The following UBE2F variants were observed in gnomAD, a reference collection of about 807,000 sequenced individuals.
UBE2F encodes the protein NEDD8-conjugating enzyme UBE2F.
A neutral mutation model predicts 29.6 loss-of-function variants in UBE2F; 5 were observed. The observed-to-expected ratio is 0.17, with a 90% CI of 0.09 to 0.36. UBE2F has a LOEUF of 0.36. Ranked by LOEUF, UBE2F falls within the 10% of genes least tolerant of loss-of-function variation. UBE2F has a pLI of 1.00. For missense variants in UBE2F, 141 were observed against 228.5 expected (o/e 0.62, Z 2.47); for synonymous variants, 66 against 81.8 (o/e 0.81, Z 1.04).
At chr2:237,972,249 G>A (rs1005714475) in intron 1 of UBE2F, among the ~76,000 whole-genome samples, 34 of 152,222 alleles carry the variant, frequency 2.2e-4, no homozygotes, top group African/African-American at 8.0e-4. Context: ...ATTAAAAGAG[G>A]AAGGAGAGCA....
chr2:237,985,814 T>C lies in UBE2F; in HGVS notation c.119-2149T>C, dbSNP rs553206734. 3.1e-3 allele frequency among the ~76,000 whole-genome samples: 477 copies of C among 152,342 alleles called. 2 individuals are homozygous for C. The highest frequency in any genetic ancestry group is 9.7e-3 in the Admixed American group (148 of 15,302). On this transcript the variant is annotated intron_variant, in intron 2 of 9. Transcript: ENST00000272930. ...GGCTATACCAAGTTTACAGCCCTGC[T>C]ATCAGTATACAAGGGTTCTCTTTTT... is the stretch of plus-strand genomic sequence containing the variant.
chr2:238,005,521 A>G (rs541861176), intron 4 of UBE2F, among the ~76,000 whole-genome samples: 1 of 152,200 alleles, frequency 6.6e-6, no homozygotes, highest in African/African-American at 2.4e-5. Context: ...CAGAAGTTTT[A>G]TAGCTCTAGG....
Position 238,040,337 on chromosome 2 carries a change from C to T in UBE2F, c.508-951C>T, listed in dbSNP as rs184286565. ...TTATACCCTGCACATTGCCAGGTGTCGGGATTATGCAGTGGAATCAGCAAA... is the reference window on the plus strand; with the variant it reads ...TTATACCCTGCACATTGCCAGGTGTTGGGATTATGCAGTGGAATCAGCAAA... On this transcript the variant is annotated intron_variant, in intron 9 of 9. Coordinates refer to ENST00000272930, the MANE Select transcript of UBE2F (RefSeq NM_080678.3). This position sits in a 1 kb window ranked among gnomAD's most constrained non-coding sequence, Gnocchi z 4.4. Among the ~76,000 whole-genome samples, 5 of 152,266 alleles carry T rather than the reference C, an allele frequency of 3.3e-5. No individual in the cohort carries two copies. Among genetic ancestry groups the T allele is most frequent in the African/African-American group, 1.2e-4 (5 of 41,552 alleles).
At chr2:237,980,977 CA>C (rs1321825324) in intron 2 of UBE2F, among the ~76,000 whole-genome samples, 1 of 152,168 alleles carries the variant, frequency 6.6e-6, no homozygotes, top group Non-Finnish European at 1.5e-5. Flanking sequence ...AGTCACGCTT[CA>C]AATGGGTCCT....
chr2:238,036,055 G>GCCAGC, intron 9 of UBE2F, 115 bp downstream of exon 9: 1 of 936,240 alleles, frequency 1.1e-6, no homozygotes, highest in Non-Finnish European at 1.7e-6. Context: ...TGGGATGCAA[G>GCCAGC]GCTGGAATTC....
intron 7 of UBE2F, among the ~76,000 whole-genome samples, chr2:238,031,495 G>T (rs181025982): frequency 6.6e-6 from 1 of 152,296 alleles, no homozygotes; most frequent in East Asian, 1.9e-4. Context: ...GTCAGGGATG[G>T]GTGGGTGGAT....
intron 4 of UBE2F, among the ~76,000 whole-genome samples, chr2:238,007,484 T>G (rs1342038425): frequency 6.6e-6 from 1 of 151,820 alleles, no homozygotes; most frequent in Non-Finnish European, 1.5e-5. Flanking sequence ...ACTTCTTGTT[T>G]GCATATATAC....
At chr2:237,973,830 G>A (rs2063220447) in intron 2 of UBE2F, 4 of 513,108 alleles carry the variant, frequency 7.8e-6, no homozygotes, top group East Asian at 2.6e-4. Context: ...TCATTTGTAT[G>A]TTTGAGCATA....
chr2:237,967,162 G>T lies in UBE2F; in HGVS notation c.-17+30G>T. 2 of 1,187,242 alleles carry T rather than the reference G, an allele frequency of 1.7e-6. No individual in the cohort carries two copies. The highest frequency in any genetic ancestry group is 2.1e-6 in the Non-Finnish European group (2 of 959,766). The allele number at this position is 1,187,242 out of a possible 1,614,324, so 73.5% of individuals were successfully genotyped here. ...GGAGCGACCGTGCGGCTCTGCGGCGGGGCGAGGTGCGGCCGCCGGTGCACG... is the reference window on the plus strand; with the variant it reads ...GGAGCGACCGTGCGGCTCTGCGGCGTGGCGAGGTGCGGCCGCCGGTGCACG... On this transcript the variant is annotated intron_variant, in intron 1 of 9. Coordinates refer to ENST00000272930, the MANE Select transcript of UBE2F (RefSeq NM_080678.3). The surrounding 1 kb of genome is among the most constrained non-coding windows in gnomAD (Gnocchi z 6.3).
intron 4 of UBE2F, among the ~76,000 whole-genome samples, chr2:238,008,581 T>C (rs1444528597): frequency 6.6e-6 from 1 of 152,240 alleles, no homozygotes; most frequent in Admixed American, 6.5e-5. Flanking sequence ...AATGAGAAGA[T>C]TGTCAATTTT....
chr2:237,992,644 G>T (rs1251333176), intron 3 of UBE2F, among the ~76,000 whole-genome samples: 2 of 152,170 alleles, frequency 1.3e-5, no homozygotes, highest in African/African-American at 4.8e-5. Flanking sequence ...GAGGCATGAG[G>T]TAGGGGAAGG....
At chr2:238,041,102 G>A (rs708078) in intron 9 of UBE2F, among the ~76,000 whole-genome samples, 186 bp from the exon 10 acceptor site, 52,294 of 151,882 alleles carry the variant, frequency 0.34, 9,176 homozygotes, top group East Asian at 0.51. Flanking sequence ...TGTGTCTTGC[G>A]TGCAGTAGGC....
intron 4 of UBE2F, among the ~76,000 whole-genome samples, chr2:238,009,425 C>T (rs1359182627): frequency 1.3e-5 from 2 of 152,206 alleles, no homozygotes; most frequent in African/African-American, 2.4e-5. Context: ...TCTTCGTTCA[C>T]TTTTCTTTCT....
chr2:238,027,906 T>C (rs755916153), intron 6 of UBE2F, among the ~76,000 whole-genome samples: 3 of 152,224 alleles, frequency 2.0e-5, no homozygotes, highest in Non-Finnish European at 4.4e-5. Context: ...CTCCACCTTG[T>C]TGTCCCGGCA....
intron 3 of UBE2F, among the ~76,000 whole-genome samples, chr2:237,993,247 A>G (rs935740221): frequency 6.6e-6 from 1 of 152,138 alleles, no homozygotes; most frequent in African/African-American, 2.4e-5. Flanking sequence ...TGGCCTCCCA[A>G]AGTTCTGGGA....
At chr2:237,992,660 T>C (rs2063613416) in intron 3 of UBE2F, among the ~76,000 whole-genome samples, 2 of 152,306 alleles carry the variant, frequency 1.3e-5, no homozygotes, top group Admixed American at 6.5e-5. Context: ...GAAGGAGTCA[T>C]GAACTAGTTA....
intron 4 of UBE2F, among the ~76,000 whole-genome samples, chr2:238,004,034 C>T (rs1046673891): frequency 3.9e-5 from 6 of 152,202 alleles, no homozygotes; most frequent in African/African-American, 1.4e-4. Context: ...TGTGGCTTCT[C>T]CCACTTAGTG....
At chr2:238,037,539 G>A (rs965395689) in intron 9 of UBE2F, among the ~76,000 whole-genome samples, 22 of 152,240 alleles carry the variant, frequency 1.4e-4, no homozygotes, top group African/African-American at 3.9e-4. Context: ...CTCGCACTCC[G>A]TTTTCTGAAC....
At chr2:237,990,111 C>CAA (rs146262180) in intron 3 of UBE2F, among the ~76,000 whole-genome samples, 2 of 84,138 alleles carry the variant, frequency 2.4e-5, no homozygotes, top group Non-Finnish European at 4.7e-5. Flanking sequence ...GAGACTGTCT[C>CAA]AAAAAAAAAA....
Sources: gnomAD v4.1 joint callset for allele counts (sites outside exome capture counted in the v4.1 genomes callset) on GRCh38, gnomAD v4.1.1 for gene constraint, Gnocchi (gnomAD v3.1) non-coding constraint, MANE v1.5 for transcripts, NCBI Gene and HGNC (gene_info 2026-07-23, HGNC 2026-07-21) for gene names.